SLC35F1: variants seen among roughly 807,000 people sequenced by gnomAD.
SLC35F1 encodes solute carrier family 35 member F1.
SLC35F1 carries 14 observed loss-of-function variants against 48.7 expected under a neutral mutation model. The ratio of observed to expected loss-of-function variants is 0.29; its 90% confidence interval spans 0.19 to 0.45. The LOEUF (loss-of-function observed/expected upper bound fraction) is 0.45. SLC35F1 is among the 20% of genes least tolerant of loss of function. The pLI is 1.00. For missense variants in SLC35F1, 404 were observed against 500.0 expected, an observed-to-expected ratio of 0.81 and a Z score of 1.83; for synonymous variants, 190 against 202.2, an observed-to-expected ratio of 0.94 and a Z score of 0.51.
At chr6:118,267,461 C>T (rs1053705768) in intron 4 of SLC35F1, among the ~76,000 whole-genome samples, 3 of 152,182 alleles carry the variant, frequency 2.0e-5, no homozygotes, top group African/African-American at 4.8e-5. Context: ...GAGGTCAGTC[C>T]GTTCCTGAAC....
intron 1 of SLC35F1, among the ~76,000 whole-genome samples, chr6:118,059,160 T>C (rs1434669264): frequency 1.3e-5 from 2 of 152,230 alleles, no homozygotes; most frequent in Non-Finnish European, 2.9e-5. Flanking sequence ...TAGCTGGTAA[T>C]TTTCTCAACC....
chr6:118,090,642 G>A (rs541560939), intron 1 of SLC35F1, among the ~76,000 whole-genome samples: 1 of 152,270 alleles, frequency 6.6e-6, no homozygotes, highest in Non-Finnish European at 1.5e-5. Context: ...TGGTGAGGGA[G>A]GAGAGGAGTG....
intron 1 of SLC35F1, among the ~76,000 whole-genome samples, chr6:117,970,681 GAGA>G (rs1182423711): frequency 2.0e-5 from 3 of 152,180 alleles, no homozygotes; most frequent in African/African-American, 4.8e-5. Context: ...ATGGCAAAAG[GAGA>G]AGGAGGAGCA....
At chr6:118,076,769 C>T (rs978083178) in intron 1 of SLC35F1, among the ~76,000 whole-genome samples, 1 of 152,116 alleles carries the variant, frequency 6.6e-6, no homozygotes, top group African/African-American at 2.4e-5. Context: ...ACTGTCTTTA[C>T]GATATACTGA....
chr6:118,190,102 T>G (rs1774712232), intron 2 of SLC35F1, among the ~76,000 whole-genome samples: 1 of 152,212 alleles, frequency 6.6e-6, no homozygotes, highest in Non-Finnish European at 1.5e-5. Flanking sequence ...TCCCCCCTTT[T>G]AGTCGTTTTC....
intron 1 of SLC35F1, among the ~76,000 whole-genome samples, chr6:117,989,410 T>C (rs1285915002): frequency 6.6e-6 from 1 of 152,210 alleles, no homozygotes; most frequent in African/African-American, 2.4e-5. Flanking sequence ...GGGATTCTTC[T>C]GCATGTGAAG....
intron 2 of SLC35F1, among the ~76,000 whole-genome samples, chr6:118,163,434 A>T (rs1308884530): frequency 2.0e-5 from 3 of 151,410 alleles, no homozygotes; most frequent in Non-Finnish European, 4.4e-5. Context: ...TCACACACAC[A>T]CACACACACA....
Position 117,907,352 on chromosome 6 carries a change from G to A in SLC35F1, c.-375G>A, listed in dbSNP as rs866759214. 6.7e-6 allele frequency among the ~76,000 whole-genome samples: 1 copy of A among 150,176 alleles called. No individual in the cohort carries two copies. The highest frequency in any genetic ancestry group is 2.4e-5 in the African/African-American group (1 of 41,012). ...GCGCGCCCCGAGGAGACCCGGGCAC[G>A]AGGAAACAAGGAGAAATCAGGACTC... On this transcript the variant is annotated 5_prime_UTR_variant, in exon 1 of 8. Coordinates refer to ENST00000360388, the MANE Select transcript of SLC35F1 (RefSeq NM_001029858.4).
intron 2 of SLC35F1, among the ~76,000 whole-genome samples, chr6:118,170,057 A>T (rs916296802): frequency 6.6e-6 from 1 of 152,224 alleles, no homozygotes; most frequent in African/African-American, 2.4e-5. Flanking sequence ...CAGAGTGGGA[A>T]ACTTTGATCC....
At chr6:118,111,372 A>G (rs769271743) in intron 1 of SLC35F1, among the ~76,000 whole-genome samples, 1 of 152,184 alleles carries the variant, frequency 6.6e-6, no homozygotes, top group Non-Finnish European at 1.5e-5. Context: ...TCTTACCTAC[A>G]GAAGGGCAAA....
At chr6:118,036,618 C>T (rs1212328458) in intron 1 of SLC35F1, among the ~76,000 whole-genome samples, 1 of 152,130 alleles carries the variant, frequency 6.6e-6, no homozygotes, top group Non-Finnish European at 1.5e-5. Context: ...AGTGCAGTGG[C>T]ATGATCATGG....
At chr6:118,229,984 C>G (rs1178711118) in intron 2 of SLC35F1, among the ~76,000 whole-genome samples, 1 of 152,282 alleles carries the variant, frequency 6.6e-6, no homozygotes, top group Non-Finnish European at 1.5e-5. Context: ...CCATACTCTA[C>G]AGTCCTTTAA....
chr6:117,912,624 A>C (rs550745964), intron 1 of SLC35F1, among the ~76,000 whole-genome samples: 12 of 151,848 alleles, frequency 7.9e-5, no homozygotes, highest in African/African-American at 2.9e-4. Context: ...ATTAATATAA[A>C]ATATTCCAAG....
At chr6:118,058,985 C>T (rs535368733) in intron 1 of SLC35F1, among the ~76,000 whole-genome samples, 5 of 152,004 alleles carry the variant, frequency 3.3e-5, no homozygotes, top group African/African-American at 7.2e-5. Flanking sequence ...CTAACCTCAG[C>T]GAGATGATTT....
At chr6:118,053,299 C>T (rs1772416944) in intron 1 of SLC35F1, among the ~76,000 whole-genome samples, 1 of 152,000 alleles carries the variant, frequency 6.6e-6, no homozygotes, top group Non-Finnish European at 1.5e-5. Context: ...GGATTATTGT[C>T]TAAAAATGAG....
rs185915103 is a variant in SLC35F1, at chr6:118,129,728, C to T, written c.174-24717C>T. 2.3e-3 allele frequency among the ~76,000 whole-genome samples: 348 copies of T among 152,172 alleles called. 8 individuals are homozygous for T. Among genetic ancestry groups the T allele is most frequent in the Non-Finnish European group, 7.2e-4 (49 of 68,004 alleles). ...AAGGATATGAAATGGAAGTCCTTACCTTAATTTTTGATGATAAATATGAAT... is the reference window on the plus strand; with the variant it reads ...AAGGATATGAAATGGAAGTCCTTACTTTAATTTTTGATGATAAATATGAAT... On this transcript the variant is annotated intron_variant, in intron 1 of 7. Transcript: ENST00000360388.
At chr6:118,238,336 G>A (rs892435398) in intron 3 of SLC35F1, among the ~76,000 whole-genome samples, 8 of 151,870 alleles carry the variant, frequency 5.3e-5, no homozygotes, top group African/African-American at 1.9e-4. Context: ...AGTCCCAGCT[G>A]CCCAACTACT....
At chr6:118,281,733 T>C (rs1775987162) in intron 6 of SLC35F1, among the ~76,000 whole-genome samples, 1 of 152,202 alleles carries the variant, frequency 6.6e-6, no homozygotes, top group African/African-American at 2.4e-5. Flanking sequence ...TCAGGTTGTC[T>C]CACCATCCCT....
At chr6:118,106,581 T>A (rs1773330556) in intron 1 of SLC35F1, among the ~76,000 whole-genome samples, 1 of 152,216 alleles carries the variant, frequency 6.6e-6, no homozygotes, top group Non-Finnish European at 1.5e-5. Flanking sequence ...CTAATAAGTC[T>A]TACTGGTTTA....
Sources: allele counts gnomAD v4.1 joint callset (sites outside exome capture counted in the v4.1 genomes callset), GRCh38; gene constraint gnomAD v4.1.1; transcripts MANE v1.5; gene names NCBI Gene and HGNC (gene_info 2026-07-23, HGNC 2026-07-21).